The following PRDM2 variants were observed in gnomAD, a reference collection of about 807,000 sequenced individuals.
The protein encoded by PRDM2 is PR/SET domain 2.
In PRDM2, 30 loss-of-function variants were observed where a neutral mutation model predicts 130.0. That is an observed-to-expected ratio of 0.23 (90% CI 0.17 to 0.31). The LOEUF is 0.31. Among genes scored for constraint, PRDM2 ranks in the 10% least tolerant of loss-of-function variants. PRDM2 has a pLI of 1.00. For synonymous variants in PRDM2, 871 were observed against 782.4 expected (o/e 1.11, Z -1.89); for missense variants, 2,011 against 2,108.4 (o/e 0.95, Z 0.90).
chr1:13,788,001 C>T, intron 8 of PRDM2: 1 of 984,382 alleles, frequency 1.0e-6, no homozygotes, highest in Non-Finnish European at 1.2e-6. Context: ...TGTGCTATTG[C>T]TGCAAACACT....
chr1:13,717,883 A>C (rs1642595759), intron 2 of PRDM2, among the ~76,000 whole-genome samples: 1 of 152,194 alleles, frequency 6.6e-6, no homozygotes, highest in Non-Finnish European at 1.5e-5. Flanking sequence ...GGATTATAAA[A>C]ATTGCCCACT....
At chr1:13,762,199 C>T (rs1052319544) in intron 6 of PRDM2, among the ~76,000 whole-genome samples, 3 of 152,242 alleles carry the variant, frequency 2.0e-5, no homozygotes, top group Admixed American at 1.3e-4. Context: ...ATCAGTATTA[C>T]CAGTATATAT....
Position 13,824,572 on chromosome 1 carries a change from G to A in PRDM2, c.*1437G>A, listed in dbSNP as rs915624368. The A allele has an allele frequency of 4.6e-5, 7 of 152,124 alleles. No homozygotes were observed. Among genetic ancestry groups the A allele is most frequent in the East Asian group, 1.9e-4 (1 of 5,186 alleles). 9.4% of individuals were successfully genotyped at this position (152,124 alleles called of 1,614,324 possible). ...GGCAGAAAAATGGTGGTCATTGGCC[G>A]ACATCACAGTTTTCCTGTTTCCCAC... On this transcript the variant is annotated 3_prime_UTR_variant, in exon 10 of 10. Transcript: ENST00000311066.
intron 8 of PRDM2, among the ~76,000 whole-genome samples, chr1:13,809,316 T>A (rs1014447822): frequency 6.6e-6 from 1 of 151,846 alleles, no homozygotes; most frequent in Non-Finnish European, 1.5e-5. Context: ...AGAAGTCCAG[T>A]GAGGAAGGCG....
In PRDM2 at chr1:13,781,526, A is replaced by G; in HGVS notation, c.3731A>G (p.His1244Arg). The change falls in exon 8 of 10, where the codon CAT (histidine) becomes CGT (arginine). Residue 1244 changes from histidine to arginine, a missense_variant. Coordinates refer to ENST00000311066, the MANE Select transcript of PRDM2 (RefSeq NM_001393986.1). This position sits in a 1 kb window ranked among gnomAD's most constrained non-coding sequence, Gnocchi z 6.1. ...FTDPSKAHVE[H>R]MQSLPEDPLE... The stretch of plus-strand genomic sequence containing the variant: ...GATCCCAGCAAGGCCCATGTAGAGC[A>G]TATGCAGAGCTTGCCAGAAGATCCT... 6.2e-7 allele frequency: 1 copy of G among 1,612,850 alleles called. No individual in the cohort carries two copies. The highest frequency in any genetic ancestry group is 8.5e-7 in the Non-Finnish European group (1 of 1,179,992).
At chr1:13,764,191 G>A (rs776514373) in intron 6 of PRDM2, among the ~76,000 whole-genome samples, 30 of 152,132 alleles carry the variant, frequency 2.0e-4, no homozygotes, top group Non-Finnish European at 2.9e-4. Context: ...GCCAGGTACT[G>A]GAAATGCACC....
intron 6 of PRDM2, among the ~76,000 whole-genome samples, chr1:13,761,516 C>T (rs192079176): frequency 8.1e-4 from 123 of 152,188 alleles, no homozygotes; most frequent in African/African-American, 2.6e-3. Context: ...TTTCAGCAGT[C>T]GCACAGGTAC....
chr1:13,748,382 G>A (rs531739483), intron 5 of PRDM2, among the ~76,000 whole-genome samples: 2 of 152,260 alleles, frequency 1.3e-5, no homozygotes, highest in African/African-American at 4.8e-5. Flanking sequence ...TTACTGATTA[G>A]TTGGGATCTC....
intron 6 of PRDM2, among the ~76,000 whole-genome samples, chr1:13,762,311 G>GT (rs1644118727): frequency 6.6e-6 from 1 of 152,208 alleles, no homozygotes; most frequent in Non-Finnish European, 1.5e-5. Context: ...ACTTTTATGG[G>GT]TATCTGTTTT....
intron 5 of PRDM2, among the ~76,000 whole-genome samples, chr1:13,747,570 T>C (rs1643649020): frequency 6.6e-6 from 1 of 151,310 alleles, no homozygotes; most frequent in Non-Finnish European, 1.5e-5. Context: ...TAGGGGTGGG[T>C]GAGAGCCAAG....
At chr1:13,715,490 C>T (rs1000473027) in intron 1 of PRDM2, 51 bp from the exon 2 acceptor site, 21 of 862,120 alleles carry the variant, frequency 2.4e-5, no homozygotes, top group Non-Finnish European at 3.4e-5. Context: ...TTTTAAATCC[C>T]TGTAAATTTG....
intron 9 of PRDM2, among the ~76,000 whole-genome samples, chr1:13,821,807 C>T (rs1645357123): frequency 6.6e-6 from 1 of 152,124 alleles, no homozygotes; most frequent in Admixed American, 6.5e-5. Context: ...GTGCTCAGCT[C>T]TGGACTAAGC....
intron 2 of PRDM2, among the ~76,000 whole-genome samples, chr1:13,727,196 C>G (rs547859746): frequency 1.3e-5 from 2 of 152,118 alleles, no homozygotes; most frequent in African/African-American, 4.8e-5. Flanking sequence ...GTCACAGATT[C>G]CCTTTCTACT....
intron 8 of PRDM2, among the ~76,000 whole-genome samples, chr1:13,801,574 T>C (rs1645007310): frequency 6.6e-6 from 1 of 152,238 alleles, no homozygotes; most frequent in Admixed American, 6.5e-5. Context: ...GTTGCCTAAC[T>C]TCTCTGTGCC....
At chr1:13,716,165 T>C (rs935931069) in intron 2 of PRDM2, among the ~76,000 whole-genome samples, 21 of 151,704 alleles carry the variant, frequency 1.4e-4, no homozygotes, top group African/African-American at 5.1e-4. Context: ...ATGGATGAAA[T>C]TGGAAATCAT....
chr1:13,733,127 G>C (rs1328536231), intron 4 of PRDM2, among the ~76,000 whole-genome samples: 2 of 152,122 alleles, frequency 1.3e-5, no homozygotes, highest in Non-Finnish European at 2.9e-5. Context: ...ACATTGCCGT[G>C]TCCAGGGTGT....
chr1:13,812,693 C>G (rs969424275), intron 8 of PRDM2, among the ~76,000 whole-genome samples: 1 of 152,106 alleles, frequency 6.6e-6, no homozygotes, highest in Non-Finnish European at 1.5e-5. Flanking sequence ...AAAGTCTGAC[C>G]GAAGTGTTGA....
chr1:13,824,617 T>C lies in PRDM2; in HGVS notation c.*1482T>C, dbSNP rs934341905. On this transcript the variant is annotated 3_prime_UTR_variant, in exon 10 of 10. Transcript: ENST00000311066. Reference sequence around the variant, plus strand: ...TCCCACCCAGCTAAAAACCGTTGTTTGCTTTAAATTTTCATAAACTGGAAT... The same window carrying C: ...TCCCACCCAGCTAAAAACCGTTGTTCGCTTTAAATTTTCATAAACTGGAAT... The C allele has an allele frequency of 4.6e-5, 7 of 152,160 alleles. No individual in the cohort carries two copies. Among genetic ancestry groups the C allele is most frequent in the African/African-American group, 1.2e-4 (5 of 41,432 alleles). 9.4% of individuals were successfully genotyped at this position (152,160 alleles called of 1,614,324 possible).
Position 13,806,536 on chromosome 1 carries a change from A to G in PRDM2, c.5037-9891A>G, listed in dbSNP as rs1396081934. On this transcript the variant is annotated intron_variant, in intron 8 of 9. Transcript: ENST00000311066. This position sits in a 1 kb window ranked among gnomAD's most constrained non-coding sequence, Gnocchi z 4.1. ...GATGAATGGAAACGGTCCTGCTTGG[A>G]GTCCAGCTACCAGCTAGACTCCAAC... is the stretch of plus-strand genomic sequence containing the variant. Among the ~76,000 whole-genome samples the G allele has an allele frequency of 2.0e-5, 3 of 152,060 alleles. No homozygotes were observed. Among genetic ancestry groups the G allele is most frequent in the Admixed American group, 2.0e-4 (3 of 15,272 alleles).
Sources: gnomAD v4.1 joint callset for allele counts (sites outside exome capture counted in the v4.1 genomes callset) on GRCh38, gnomAD v4.1.1 for gene constraint, Gnocchi (gnomAD v3.1) non-coding constraint, MANE v1.5 for transcripts, NCBI Gene and HGNC (gene_info 2026-07-23, HGNC 2026-07-21) for gene names.